Variants in IFT140 observed in about 807,000 individuals in gnomAD.
IFT140 encodes the protein intraflagellar transport 140.
In IFT140, 133 loss-of-function variants were observed where a neutral mutation model predicts 164.6. That is an observed-to-expected ratio of 0.81 (90% CI 0.70 to 0.93). The LOEUF (loss-of-function observed/expected upper bound fraction) is 0.93, where lower values mean the gene tolerates loss of function less well. Ranked by LOEUF, IFT140 falls within the 40% of genes least tolerant of loss-of-function variation. The pLI, the probability that IFT140 is intolerant of heterozygous loss-of-function variation, is 0.00. For missense variants in IFT140, 2,045 were observed against 1,972.3 expected, an observed-to-expected ratio of 1.04 and a Z score of -0.70; for synonymous variants, 860 against 817.3, an observed-to-expected ratio of 1.05 and a Z score of -0.89.
At chr16:1,540,915 G>A (rs1596329626) in intron 19 of IFT140, 1 of 985,434 alleles carries the variant, frequency 1.0e-6, no homozygotes, top group African/African-American at 1.7e-5. Flanking sequence ...CTGAGTGTCT[G>A]TCAGCACACA....
At chr16:1,574,818 C>T (rs889300225) in intron 13 of IFT140, among the ~76,000 whole-genome samples, 18 of 152,132 alleles carry the variant, frequency 1.2e-4, no homozygotes, top group African/African-American at 3.9e-4. Context: ...CTGAAACATA[C>T]GCAGGGCTGG....
chr16:1,526,873 G>C, intron 19 of IFT140, 77 bp from the exon 20 acceptor site: 1 of 1,451,874 alleles, frequency 6.9e-7, no homozygotes, highest in Non-Finnish European at 9.2e-7. Flanking sequence ...CTTCTCCTGG[G>C]GCAAGTAGTC....
rs140458893 is a variant in IFT140 at position 1,558,016 on chromosome 16, C to T, written c.2318G>A (p.Arg773Gln). Reference sequence around the variant, plus strand: ...GAAGCTGAAGTGGAGCATGGCGTCCCGGGTGGCCTTGTCGCAGTCCTCCAG... The same window carrying T: ...GAAGCTGAAGTGGAGCATGGCGTCCTGGGTGGCCTTGTCGCAGTCCTCCAG... Reference protein sequence around the residue: ...VGLEDCDKATRDAMLHFSFFV... With the variant: ...VGLEDCDKATQDAMLHFSFFV... The change falls in exon 19 of 31, where the codon CGG (arginine) becomes CAG (glutamine). Residue 773 changes from arginine (R) to glutamine (Q), a missense_variant. Physicochemically the swap from Arg to Gln is conservative, Grantham distance 43. Transcript: ENST00000426508. 15 of 1,613,984 alleles carry T rather than the reference C, an allele frequency of 9.3e-6. No homozygotes were observed. Among genetic ancestry groups the T allele is most frequent in the East Asian group, 6.7e-5 (3 of 44,886 alleles).
chr16:1,586,157 C>T lies in IFT140; in HGVS notation c.1128G>A (p.Glu376=). The T allele has an allele frequency of 1.2e-6, 2 of 1,613,808 alleles. No homozygotes were observed. Among genetic ancestry groups the T allele is most frequent in the Non-Finnish European group, 1.7e-6 (2 of 1,180,022 alleles). Residue 376 remains glutamate, a synonymous_variant, in exon 10 of 31, where the codon GAG becomes GAA. Transcript: ENST00000426508. ...KDRWALQTPT[E]LQGNITQIQW... The stretch of plus-strand genomic sequence containing the variant: ...GGATTTGCGTGATGTTTCCTTGGAG[C>T]TCGGTAGGGGTCTGAAGGGCCCACC...
In IFT140 at chr16:1,533,045, C is replaced by T. The variant is rs903263012; in HGVS notation, c.2400-6249G>A. The T allele has an allele frequency of 7.9e-5, 12 of 152,472 alleles. No individual in the cohort carries two copies. Among genetic ancestry groups the T allele is most frequent in the Non-Finnish European group, 1.6e-4 (11 of 68,314 alleles). The allele number at this position is 152,472 out of a possible 1,614,324, so 9.4% of individuals were successfully genotyped here. On this transcript the variant is annotated intron_variant, in intron 19 of 30. Coordinates refer to ENST00000426508, the MANE Select transcript of IFT140 (RefSeq NM_014714.4). The surrounding 1 kb of genome is among the most constrained non-coding windows in gnomAD (Gnocchi z 4.7). Reference sequence around the variant, plus strand: ...TTGCCACCTAAGAATGACCTGGCCTCGAGGTCCTCCAAGTACAGGTCCCTG... The same window carrying T: ...TTGCCACCTAAGAATGACCTGGCCTTGAGGTCCTCCAAGTACAGGTCCCTG...
In IFT140 at chr16:1,606,935, C is replaced by T. The variant is rs114832254; in HGVS notation, c.147+185G>A. Among the ~76,000 whole-genome samples, 3,031 of 151,672 alleles carry T rather than the reference C, an allele frequency of 0.02. 101 individuals are homozygous for T. Among genetic ancestry groups the T allele is most frequent in the African/African-American group, 0.068 (2,831 of 41,358 alleles). On this transcript the variant is annotated intron_variant, in intron 3 of 30. Transcript: ENST00000426508. ...ACACACCCACGTGTGCGCACACACA[C>T]ACAGATGCAGACATACATATGCGCA...
chr16:1,526,276 C>G, intron 20 of IFT140, 199 bp from the exon 21 acceptor site: 1 of 614,926 alleles, frequency 1.6e-6, no homozygotes, highest in Non-Finnish European at 2.8e-6. Flanking sequence ...GATGCACCAC[C>G]AAGGGGTACC....
chr16:1,572,564 T>C (rs1032795611), intron 13 of IFT140, among the ~76,000 whole-genome samples: 5 of 152,110 alleles, frequency 3.3e-5, no homozygotes, highest in Admixed American at 6.5e-5. Flanking sequence ...GAGAATGGTG[T>C]GGACCCGGGA....
chr16:1,558,072 C>T lies in IFT140; in HGVS notation c.2262G>A (p.Val754=). The T allele has an allele frequency of 3.1e-6, 5 of 1,614,162 alleles. No individual in the cohort carries two copies. Among genetic ancestry groups the T allele is most frequent in the Non-Finnish European group, 4.2e-6 (5 of 1,180,036 alleles). Residue 754 remains valine, a synonymous_variant, in exon 19 of 31, where the codon GTG becomes GTA. Coordinates refer to ENST00000426508, the MANE Select transcript of IFT140 (RefSeq NM_014714.4). ...EPGCHHIPQM[V]SRRPLRDFVG... Reference sequence around the variant, plus strand: ...CAAAGTCTCGCAGGGGTCTCCTGGACACCATCTGAGGGATGTGGTGGCACC... The same window carrying T: ...CAAAGTCTCGCAGGGGTCTCCTGGATACCATCTGAGGGATGTGGTGGCACC...
At chr16:1,582,997 C>A (rs2034657085) in intron 12 of IFT140, among the ~76,000 whole-genome samples, 1 of 152,228 alleles carries the variant, frequency 6.6e-6, no homozygotes, top group Non-Finnish European at 1.5e-5. Context: ...AGAGGCTGGC[C>A]TTGGGTCAAG....
In IFT140 at chr16:1,511,054, G is replaced by A. The variant is rs1422741614; in HGVS notation, c.4279C>T (p.Leu1427=). 2 of 1,607,070 alleles carry A rather than the reference G, an allele frequency of 1.2e-6. No individual in the cohort carries two copies. Among genetic ancestry groups the A allele is most frequent in the African/African-American group, 2.7e-5 (2 of 74,868 alleles). The change falls in exon 31 of 31, where the codon CTG becomes TTG. Residue 1427 remains leucine, a synonymous_variant. Coordinates refer to ENST00000426508, the MANE Select transcript of IFT140 (RefSeq NM_014714.4). ...ACGGTGCGTGGCAGTGGGAGACCCA[G>A]CCCCCGGTGCACGGCGTCCACGGCC... ...PQAVDAVHRG[L]GLPLPRTVPE...
intron 19 of IFT140, among the ~76,000 whole-genome samples, chr16:1,546,502 G>A (rs1190778693): frequency 1.3e-5 from 2 of 152,184 alleles, no homozygotes; most frequent in Admixed American, 6.5e-5. Context: ...ATGTGCCCTC[G>A]TCAGCAATGC....
At chr16:1,604,671 C>T (rs1426420795) in intron 3 of IFT140, among the ~76,000 whole-genome samples, 1 of 152,122 alleles carries the variant, frequency 6.6e-6, no homozygotes, top group Non-Finnish European at 1.5e-5. Context: ...GAGGGCACAG[C>T]TGCCACAGTA....
chr16:1,510,884 CA>C lies in IFT140; in HGVS notation c.*59del. 3 of 1,504,176 alleles carry C rather than the reference CA, an allele frequency of 2.0e-6. No homozygotes were observed. The highest frequency in any genetic ancestry group is 1.8e-6 in the Non-Finnish European group (2 of 1,097,454). 93.2% of individuals were successfully genotyped at this position (1,504,176 alleles called of 1,614,324 possible). ...AAAATGCTGGCTTTGCCACAGCTGA[CA>C]AAAAAATTCCAGAAGATGCCTTTCT... On this transcript the variant is annotated 3_prime_UTR_variant, in exon 31 of 31. Transcript: ENST00000426508.
intron 30 of IFT140, among the ~76,000 whole-genome samples, chr16:1,513,598 C>A (rs1341817883): frequency 2.6e-5 from 4 of 152,146 alleles, no homozygotes; most frequent in Non-Finnish European, 5.9e-5. Context: ...TGGAAAGGCA[C>A]TGGGGGCAGC....
chr16:1,551,492 G>A lies in IFT140; in HGVS notation c.2399+6443C>T, dbSNP rs1425193889. 6.6e-6 allele frequency among the ~76,000 whole-genome samples: 1 copy of A among 152,196 alleles called. No individual in the cohort carries two copies. Among genetic ancestry groups the A allele is most frequent in the African/African-American group, 2.4e-5 (1 of 41,456 alleles). ...CAGGTAGCAGGGGAGACCCTAAGGC[G>A]ATGGGAGCCACAAGGGTGCTGAGTG... On this transcript the variant is annotated intron_variant, in intron 19 of 30. Coordinates refer to ENST00000426508, the MANE Select transcript of IFT140 (RefSeq NM_014714.4). This position sits in a 1 kb window ranked among gnomAD's most constrained non-coding sequence, Gnocchi z 4.0.
chr16:1,541,919 A>G, intron 19 of IFT140: 1 of 1,591,660 alleles, frequency 6.3e-7, no homozygotes, highest in Non-Finnish European at 8.6e-7. Context: ...CTTGGCCCAC[A>G]GTGCAGTTCG....
intron 19 of IFT140, 178 bp downstream of exon 19, chr16:1,557,757 C>A: frequency 1.5e-6 from 1 of 645,574 alleles, no homozygotes; most frequent in Non-Finnish European, 2.7e-6. Flanking sequence ...GAGAGCTTCC[C>A]ACGTGGCATC....
chr16:1,532,084 A>C (rs2030554227), intron 19 of IFT140: 1 of 152,244 alleles, frequency 6.6e-6, no homozygotes, highest in African/African-American at 2.4e-5. Context: ...TGTTTGAGAC[A>C]CTGCACCCCC....
Sources: gnomAD v4.1 joint callset for allele counts (sites outside exome capture counted in the v4.1 genomes callset) on GRCh38, gnomAD v4.1.1 for gene constraint, Gnocchi (gnomAD v3.1) non-coding constraint, MANE v1.5 for transcripts, NCBI Gene and HGNC (gene_info 2026-07-23, HGNC 2026-07-21) for gene names.